The following C11orf24 variants were observed in gnomAD, a reference collection of about 807,000 sequenced individuals.
The protein encoded by C11orf24 is uncharacterized protein C11orf24.
A neutral mutation model predicts 7.3 loss-of-function variants in C11orf24; 5 were observed. That is an observed-to-expected ratio of 0.69 (90% CI 0.36 to 1.45). The LOEUF is 1.45. C11orf24 is among the 40% of genes most tolerant of loss of function. The probability of loss-of-function intolerance (pLI) is 0.03; values close to 1 mark genes in which losing one functional copy is unlikely to be tolerated. For synonymous variants in C11orf24, 233 were observed against 235.7 expected (o/e 0.99, Z 0.11); for missense variants, 566 against 590.5 (o/e 0.96, Z 0.43).
At chr11:68,266,788 GAATGTTTTTAA>G (rs1471446313) in intron 2 of C11orf24, among the ~76,000 whole-genome samples, 3 of 151,892 alleles carry the variant, frequency 2.0e-5, no homozygotes, top group African/African-American at 7.3e-5. Context: ...AACATCTACC[GAATGTTTTTAA>G]AATGCTACCA....
At chr11:68,270,634 C>T (rs757295601) in intron 1 of C11orf24, among the ~76,000 whole-genome samples, 2 of 150,720 alleles carry the variant, frequency 1.3e-5, no homozygotes, top group Non-Finnish European at 3.0e-5. Flanking sequence ...TTTTTTCTGG[C>T]ATAGAGAGGT....
intron 1 of C11orf24, among the ~76,000 whole-genome samples, chr11:68,268,463 T>C (rs1394129920): frequency 1.3e-5 from 2 of 152,124 alleles, no homozygotes; most frequent in Non-Finnish European, 1.5e-5. Flanking sequence ...AGGCCGAGGC[T>C]AGTGGATCAC....
chr11:68,261,812 C>T lies in C11orf24; in HGVS notation c.1183G>A (p.Ala395Thr). ...MVVTTEPLTQ[A>T]VVDKTLLLVV... ...AGAAGGAGAGTTTTGTCTACCACGG[C>T]CTGGGTGAGGGGCTCAGTGGTGACC... Residue 395 changes from alanine (A) to threonine (T), a missense_variant, in exon 4 of 4, where the codon GCC becomes ACC. Physicochemically the swap from Ala to Thr is moderately conservative, Grantham distance 58 (BLOSUM62 0). Coordinates refer to ENST00000304271, the MANE Select transcript of C11orf24 (RefSeq NM_022338.4). The T allele has an allele frequency of 6.2e-7, 1 of 1,614,220 alleles. No individual in the cohort carries two copies. The highest frequency in any genetic ancestry group is 8.5e-7 in the Non-Finnish European group (1 of 1,180,054).
In C11orf24 at chr11:68,268,856, GC is replaced by G. The variant is rs535935304; in HGVS notation, c.-297-606del. Among the ~76,000 whole-genome samples the G allele has an allele frequency of 1.1e-4, 17 of 152,208 alleles. No individual in the cohort carries two copies. The South Asian group carries it at 1.9e-3, about 17-fold the overall frequency. On this transcript the variant is annotated intron_variant, in intron 1 of 3. Coordinates refer to ENST00000304271, the MANE Select transcript of C11orf24 (RefSeq NM_022338.4). Reference sequence around the variant, plus strand: ...AACTGGAATAGTTCTGTCAAGTATGGCCCCATTCATATATAAAATACTATGG... The same window carrying G: ...AACTGGAATAGTTCTGTCAAGTATGGCCCATTCATATATAAAATACTATGG...
At chr11:68,269,152 A>G (rs633584) in intron 1 of C11orf24, among the ~76,000 whole-genome samples, 1 of 150,966 alleles carries the variant, frequency 6.6e-6, no homozygotes. Context: ...TTTGGAAAAC[A>G]TTTCTGAAAG....
In C11orf24 at chr11:68,270,895, T is replaced by C. The variant is rs572328007; in HGVS notation, c.-298+962A>G. Among the ~76,000 whole-genome samples, 7 of 152,292 alleles carry C rather than the reference T, an allele frequency of 4.6e-5. No individual in the cohort carries two copies. In the South Asian group the frequency reaches 1.2e-3, roughly 27 times the overall value. On this transcript the variant is annotated intron_variant, in intron 1 of 3. Transcript: ENST00000304271. ...ACACAGACTTATGGCTTTGTGTATA[T>C]AGACATTGTCCTGTAGTCCAAAGGA...
chr11:68,269,626 GCACTCACA>G (rs1300885263), intron 1 of C11orf24, among the ~76,000 whole-genome samples: 1 of 152,166 alleles, frequency 6.6e-6, no homozygotes, highest in African/African-American at 2.4e-5. Flanking sequence ...CCACACATGT[GCACTCACA>G]CAGGCACACA....
Position 68,263,727 on chromosome 11 carries a change from G to C in C11orf24, c.41C>G (p.Ser14Cys). ...GGATGCCGCATGGCTTTCAGATAAG[G>C]ACAAGGAGAAAATCCAAATGAGCAC... ...ALVLIWIFSL[S>C]LSESHAASND... The change falls in exon 3 of 4, where the codon TCC becomes TGC. Residue 14 changes from serine to cysteine, a missense_variant. Ser to Cys is a moderately radical substitution (Grantham distance 112). Coordinates refer to ENST00000304271, the MANE Select transcript of C11orf24 (RefSeq NM_022338.4). 6.2e-7 allele frequency: 1 copy of C among 1,613,562 alleles called. No individual in the cohort carries two copies. Among genetic ancestry groups the C allele is most frequent in the South Asian group, 1.1e-5 (1 of 91,068 alleles).
intron 2 of C11orf24, among the ~76,000 whole-genome samples, chr11:68,265,633 G>C (rs1450687898): frequency 6.6e-6 from 1 of 152,060 alleles, no homozygotes; most frequent in Non-Finnish European, 1.5e-5. Flanking sequence ...GATCACAGGC[G>C]CATGCCACCA....
In C11orf24 at chr11:68,262,602, A is replaced by G. The variant is rs778572797; in HGVS notation, c.393T>C (p.Ser131=). Residue 131 remains serine, a synonymous_variant, in exon 4 of 4, where the codon AGT becomes AGC. Coordinates refer to ENST00000304271, the MANE Select transcript of C11orf24 (RefSeq NM_022338.4). ...TACTGGAGGCTGCAGTCGTGGGAGCACTGGAGGCCACAGTCATACTGGAGG... is the reference window on the plus strand; with the variant it reads ...TACTGGAGGCTGCAGTCGTGGGAGCGCTGGAGGCCACAGTCATACTGGAGG... ...TAASSMTVAS[S]APTTAASSTT... is the part of the protein sequence containing the mutation. 6.2e-7 allele frequency: 1 copy of G among 1,613,340 alleles called. No homozygotes were observed. The highest frequency in any genetic ancestry group is 8.5e-7 in the Non-Finnish European group (1 of 1,179,608).
chr11:68,263,724 A>G lies in C11orf24; in HGVS notation c.44T>C (p.Leu15Ser), dbSNP rs1347313310. The part of the protein sequence containing the change: ...LVLIWIFSLS[L>S]SESHAASNDP... ...GTTGGATGCCGCATGGCTTTCAGAT[A>G]AGGACAAGGAGAAAATCCAAATGAG... The change falls in exon 3 of 4, where the codon TTA (leucine) becomes TCA (serine). Residue 15 changes from leucine to serine, a missense_variant. Leu to Ser is a moderately radical substitution (Grantham distance 145). Transcript: ENST00000304271. 3 of 1,613,582 alleles carry G rather than the reference A, an allele frequency of 1.9e-6. No individual in the cohort carries two copies. The highest frequency in any genetic ancestry group is 2.2e-5 in the South Asian group (2 of 91,068).
At position 68,262,327 on chromosome 11, in the gene C11orf24, G is replaced by T. The variant is rs1565289434; in HGVS notation, c.668C>A (p.Thr223Lys). 1 of 1,613,998 alleles carries T rather than the reference G, an allele frequency of 6.2e-7. No homozygotes were observed. The change falls in exon 4 of 4, where the codon ACA becomes AAA. Residue 223 changes from threonine (T) to lysine (K), a missense_variant. Transcript: ENST00000304271. ...TGGACGAGTGCTCATGGGGCTGCTT[G>T]TGTTTGCTGTGGTCGCTACAGTCTG... ...RAQTVATTANTSSPMSTRPSP... is the reference protein window; with the variant it reads ...RAQTVATTANKSSPMSTRPSP...
At chr11:68,263,050 T>C in intron 3 of C11orf24, 132 bp from the exon 4 acceptor site, 1 of 675,506 alleles carries the variant, frequency 1.5e-6, no homozygotes, top group Non-Finnish European at 2.5e-6. Context: ...GGGGAGGTGA[T>C]GTGCGAACAT....
chr11:68,263,990 C>T (rs1422987709), intron 2 of C11orf24, 124 bp from the exon 3 acceptor site: 6 of 555,546 alleles, frequency 1.1e-5, no homozygotes, highest in South Asian at 4.6e-5. Flanking sequence ...AGTGCTGAGA[C>T]CAGGGCCTGG....
At position 68,262,403 on chromosome 11, in the gene C11orf24, T is replaced by C. The variant is rs774296238; in HGVS notation, c.592A>G (p.Ser198Gly). ...GTTGCTGTTCTTGGCAACGCGCTGC[T>C]CTTTGGCACTTGTGCGAGGGCTGTG... ...LSTALAQVPK[S>G]SALPRTATLA... Residue 198 changes from serine (S) to glycine (G), a missense_variant, in exon 4 of 4, where the codon AGC becomes GGC. Physicochemically the swap from Ser to Gly is moderately conservative, Grantham distance 56 (BLOSUM62 0). Transcript: ENST00000304271. 2 of 1,614,050 alleles carry C rather than the reference T, an allele frequency of 1.2e-6. No individual in the cohort carries two copies. Among genetic ancestry groups the C allele is most frequent in the Admixed American group, 1.7e-5 (1 of 60,000 alleles).
intron 1 of C11orf24, 164 bp downstream of exon 1, chr11:68,271,693 C>T (rs544168573): frequency 6.5e-6 from 1 of 154,142 alleles, no homozygotes; most frequent in Non-Finnish European, 1.4e-5. Context: ...ATCCGCCGCT[C>T]CTCCTGTCCC....
chr11:68,265,913 GT>G (rs1375406751), intron 2 of C11orf24, among the ~76,000 whole-genome samples: 4 of 152,252 alleles, frequency 2.6e-5, no homozygotes, highest in Admixed American at 2.6e-4. Context: ...CTGCATAGCT[GT>G]AGGCAGACTG....
At chr11:68,270,727 G>A (rs1014325540) in intron 1 of C11orf24, among the ~76,000 whole-genome samples, 7 of 151,990 alleles carry the variant, frequency 4.6e-5, no homozygotes, top group Non-Finnish European at 5.9e-5. Context: ...TCACTCAGCC[G>A]CAACATGGCC....
intron 2 of C11orf24, among the ~76,000 whole-genome samples, chr11:68,265,055 G>A (rs2098564357): frequency 6.6e-6 from 1 of 151,836 alleles, no homozygotes; most frequent in Non-Finnish European, 1.5e-5. Context: ...GCATGCCAAG[G>A]AAGGCTTCCT....
Sources: allele counts gnomAD v4.1 joint callset (sites outside exome capture counted in the v4.1 genomes callset), GRCh38; gene constraint gnomAD v4.1.1; transcripts MANE v1.5; gene names NCBI Gene and HGNC (gene_info 2026-07-23, HGNC 2026-07-21).